The following ESR1 variants were observed in gnomAD, a reference collection of about 807,000 sequenced individuals.
ESR1 encodes the protein estrogen receptor 1.
Under a neutral mutation model 52.7 loss-of-function variants are expected in ESR1, and 12 were observed. That is an observed-to-expected ratio of 0.23 (90% CI 0.15 to 0.37). The LOEUF (loss-of-function observed/expected upper bound fraction) is 0.37. Ranked by LOEUF, ESR1 falls within the 10% of genes least tolerant of loss-of-function variation. ESR1 has a pLI of 1.00. For missense variants in ESR1, 584 were observed against 779.7 expected, an observed-to-expected ratio of 0.75 and a Z score of 2.99; for synonymous variants, 305 against 316.8, an observed-to-expected ratio of 0.96 and a Z score of 0.39.
chr6:151,683,898 A>G (rs1257407940), intron 1 of ESR1, among the ~76,000 whole-genome samples: 1 of 139,226 alleles, frequency 7.2e-6, no homozygotes, highest in African/African-American at 2.8e-5. Flanking sequence ...GTTTTAGTAG[A>G]GATGGGATTT....
intron 5 of ESR1, among the ~76,000 whole-genome samples, chr6:152,049,540 T>C (rs1180803868): frequency 6.6e-6 from 1 of 152,206 alleles, no homozygotes; most frequent in Non-Finnish European, 1.5e-5. Context: ...CTCTGTAATT[T>C]CCACAATAAC....
intron 2 of ESR1, among the ~76,000 whole-genome samples, chr6:151,707,406 T>C (rs1582960692): frequency 6.6e-6 from 1 of 152,066 alleles, no homozygotes; most frequent in South Asian, 2.1e-4. Context: ...ATTCCCACAA[T>C]ATAATTAATA....
intron 5 of ESR1, among the ~76,000 whole-genome samples, chr6:152,049,904 T>TTC (rs929473587): frequency 1.5e-4 from 23 of 152,096 alleles, no homozygotes; most frequent in African/African-American, 5.1e-4. Flanking sequence ...AGACTGACTT[T>TTC]TCTCTCTCTC....
intron 5 of ESR1, among the ~76,000 whole-genome samples, chr6:152,046,542 T>C (rs1490263572): frequency 6.6e-6 from 1 of 152,146 alleles, no homozygotes; most frequent in East Asian, 1.9e-4. Flanking sequence ...TTAGAAGAGA[T>C]TGAGAAGCGT....
chr6:152,003,768 A>G (rs2042134946), intron 4 of ESR1, among the ~76,000 whole-genome samples: 1 of 150,992 alleles, frequency 6.6e-6, no homozygotes, highest in African/African-American at 2.5e-5. Context: ...ATTTTCTCAT[A>G]TCAACTTCCT....
Position 152,011,678 on chromosome 6 carries a change from T to C in ESR1, c.1119T>C (p.His373=), listed in dbSNP as rs1486153215. 1.9e-6 allele frequency: 3 copies of C among 1,613,268 alleles called. No homozygotes were observed. The highest frequency in any genetic ancestry group is 3.3e-5 in the Admixed American group (2 of 59,930). The part of the protein sequence containing the change: ...RVPGFVDLTL[H]DQVHLLECAW... ...CAGGCTTTGTGGATTTGACCCTCCA[T>C]GATCAGGTCCACCTTCTAGAATGTG... Residue 373 remains histidine, a synonymous_variant, in exon 5 of 8, where the codon CAT becomes CAC. Transcript: ENST00000206249.
chr6:151,717,355 T>G (rs1464410024), intron 2 of ESR1, among the ~76,000 whole-genome samples: 2 of 152,236 alleles, frequency 1.3e-5, no homozygotes, highest in African/African-American at 4.8e-5. Flanking sequence ...ATATTTATTT[T>G]GAATGAATTT....
chr6:151,862,202 G>A (rs535350123), intron 2 of ESR1, among the ~76,000 whole-genome samples: 11 of 152,234 alleles, frequency 7.2e-5, no homozygotes, highest in African/African-American at 2.6e-4. Flanking sequence ...GGAAACCAAG[G>A]TATGTAAGAA....
upstream of ESR1, among the ~76,000 whole-genome samples, chr6:151,801,365 A>G (rs147218277): frequency 2.6e-5 from 4 of 152,358 alleles, no homozygotes; most frequent in East Asian, 7.7e-4. Context: ...TTGTTAAAAG[A>G]AATTTTCCCA....
chr6:151,827,278 G>C (rs955871204), intron 1 of ESR1, among the ~76,000 whole-genome samples: 43 of 150,302 alleles, frequency 2.9e-4, no homozygotes, highest in African/African-American at 1.1e-3. Context: ...AGGATCACTT[G>C]AGTCCAGGAG....
chr6:151,919,717 G>A (rs2031194462), intron 3 of ESR1, among the ~76,000 whole-genome samples: 3 of 152,188 alleles, frequency 2.0e-5, no homozygotes, highest in African/African-American at 7.2e-5. Context: ...AGAAAACAGT[G>A]GGTGTTGTGA....
chr6:151,664,411 CA>C (rs1208058971), intron 1 of ESR1, among the ~76,000 whole-genome samples: 1 of 152,154 alleles, frequency 6.6e-6, no homozygotes, highest in Non-Finnish European at 1.5e-5. Context: ...GAAAAACTAT[CA>C]TGGAAGAAAT....
At chr6:151,874,521 A>G (rs1363102045) in intron 2 of ESR1, among the ~76,000 whole-genome samples, 1 of 152,200 alleles carries the variant, frequency 6.6e-6, no homozygotes, top group Non-Finnish European at 1.5e-5. Flanking sequence ...CCACATACTT[A>G]TGGCACAGAA....
intron 5 of ESR1, among the ~76,000 whole-genome samples, chr6:152,034,491 C>T (rs1488535446): frequency 1.3e-5 from 2 of 151,396 alleles, no homozygotes; most frequent in African/African-American, 4.9e-5. Flanking sequence ...TAGAGTTTGT[C>T]TGCTGTGTGT....
At chr6:151,869,758 A>G (rs548856355) in intron 2 of ESR1, among the ~76,000 whole-genome samples, 2 of 152,202 alleles carry the variant, frequency 1.3e-5, no homozygotes, top group African/African-American at 4.8e-5. Flanking sequence ...CCTTTTTTAA[A>G]AATTTTTTTT....
At chr6:151,920,808 T>G (rs117999213) in intron 3 of ESR1, among the ~76,000 whole-genome samples, 1 of 152,198 alleles carries the variant, frequency 6.6e-6, no homozygotes, top group African/African-American at 2.4e-5. Flanking sequence ...TCACTGTTGA[T>G]ATTAACCTTG....
chr6:151,833,936 CAT>C (rs1562455845), intron 1 of ESR1, among the ~76,000 whole-genome samples: 1 of 151,980 alleles, frequency 6.6e-6, no homozygotes, highest in African/African-American at 2.4e-5. Flanking sequence ...AGCCAACAAA[CAT>C]ATGAAAAAAA....
At chr6:151,879,893 A>T (rs1242163502) in intron 2 of ESR1, among the ~76,000 whole-genome samples, 2 of 152,134 alleles carry the variant, frequency 1.3e-5, no homozygotes, top group African/African-American at 2.4e-5. Context: ...TCTGTGCTGC[A>T]TGTGAGTACC....
intron 6 of ESR1, among the ~76,000 whole-genome samples, chr6:152,079,585 T>C (rs2129005308): frequency 6.6e-6 from 1 of 152,122 alleles, no homozygotes; most frequent in Admixed American, 6.5e-5. Flanking sequence ...CCTCTTCTGC[T>C]CCAAAGGATT....
Sources: allele counts gnomAD v4.1 joint callset (sites outside exome capture counted in the v4.1 genomes callset), GRCh38; gene constraint gnomAD v4.1.1; transcripts MANE v1.5; gene names NCBI Gene and HGNC (gene_info 2026-07-23, HGNC 2026-07-21).